The following AUTS2 variants were observed in gnomAD, a reference collection of about 807,000 sequenced individuals.
AUTS2 encodes the protein activator of transcription and developmental regulator AUTS2.
In AUTS2, 17 loss-of-function variants were observed where a neutral mutation model predicts 112.4. The ratio of observed to expected loss-of-function variants is 0.15; its 90% CI spans 0.10 to 0.23. The LOEUF (loss-of-function observed/expected upper bound fraction) is 0.23, where lower values mean the gene tolerates loss of function less well. AUTS2 is among the 10% of genes least tolerant of loss of function. The probability of loss-of-function intolerance (pLI) is 1.00; values close to 1 mark genes in which losing one functional copy is unlikely to be tolerated. For synonymous variants in AUTS2, 751 were observed against 702.7 expected (o/e 1.07, Z -1.09); for missense variants, 1,510 against 1,701.6 (o/e 0.89, Z 1.98).
At chr7:70,572,925 C>T (rs765657256) in intron 5 of AUTS2, among the ~76,000 whole-genome samples, 33 of 152,210 alleles carry the variant, frequency 2.2e-4, no homozygotes, top group East Asian at 1.7e-3. Context: ...GGCTCTGGGA[C>T]GGCTAGCTTC....
chr7:70,020,665 C>CTTCT (rs775167337), intron 2 of AUTS2, among the ~76,000 whole-genome samples: 45 of 151,862 alleles, frequency 3.0e-4, no homozygotes, highest in Admixed American at 2.2e-3. Flanking sequence ...GACCTTTTTT[C>CTTCT]TTCTTTCTTT....
intron 2 of AUTS2, among the ~76,000 whole-genome samples, chr7:70,053,754 A>G (rs1277618049): frequency 6.6e-6 from 1 of 152,096 alleles, no homozygotes; most frequent in Non-Finnish European, 1.5e-5. Flanking sequence ...TATGTTGCCC[A>G]GGCTGGTCTC....
chr7:69,855,101 C>G (rs551415789), intron 1 of AUTS2, among the ~76,000 whole-genome samples: 2 of 152,152 alleles, frequency 1.3e-5, no homozygotes, highest in African/African-American at 4.8e-5. Context: ...TTACCCCTTA[C>G]GCTGAATGCT....
At chr7:69,912,671 A>G (rs1286684283) in intron 2 of AUTS2, among the ~76,000 whole-genome samples, 2 of 152,088 alleles carry the variant, frequency 1.3e-5, no homozygotes, top group Non-Finnish European at 2.9e-5. Context: ...GAGCAGACCC[A>G]TATTTCTCCT....
At chr7:69,663,808 A>G (rs1004171814) in intron 1 of AUTS2, among the ~76,000 whole-genome samples, 1 of 152,220 alleles carries the variant, frequency 6.6e-6, no homozygotes, top group African/African-American at 2.4e-5. Flanking sequence ...CTTGGAAATA[A>G]CAGGTGTCTT....
intron 5 of AUTS2, among the ~76,000 whole-genome samples, chr7:70,564,114 T>C (rs1801604575): frequency 6.6e-6 from 1 of 152,238 alleles, no homozygotes; most frequent in Non-Finnish European, 1.5e-5. Flanking sequence ...TGGTTTCATC[T>C]GAGGTCACTA....
In AUTS2 at chr7:70,790,849, C is replaced by T. The variant is rs145677084; in HGVS notation, c.3633C>T (p.Thr1211=). The T allele has an allele frequency of 1.9e-6, 3 of 1,607,220 alleles. No homozygotes were observed. Among genetic ancestry groups the T allele is most frequent in the African/African-American group, 1.3e-5 (1 of 74,976 alleles). Residue 1211 remains threonine, a synonymous_variant, in exon 19 of 19, where the codon ACC becomes ACT. Transcript: ENST00000342771. This position sits in a 1 kb window ranked among gnomAD's most constrained non-coding sequence, Gnocchi z 7.6. ...ACCAGAACGGACTCCTCAACAAGAC[C>T]CCTCCGACAGCAGCGCTGAGCGCAC... is the stretch of plus-strand genomic sequence containing the variant. ...AGNQNGLLNK[T]PPTAALSAPP...
At chr7:69,772,095 C>CTT (rs140438031) in intron 1 of AUTS2, among the ~76,000 whole-genome samples, 1 of 151,930 alleles carries the variant, frequency 6.6e-6, no homozygotes, top group Non-Finnish European at 1.5e-5. Context: ...CGTGACCTGA[C>CTT]TTTTTTTACT....
rs374609164 is a variant in AUTS2, at chr7:69,894,345, G to A, written c.310-4941G>A. On this transcript the variant is annotated intron_variant, in intron 1 of 18. Coordinates refer to ENST00000342771, the MANE Select transcript of AUTS2 (RefSeq NM_015570.4). ...TCCTAGTGCTTGTGTAAGGGAGGCAGTTTTTTTTATCTTTACCCTGTTAGG... is the reference window on the plus strand; with the variant it reads ...TCCTAGTGCTTGTGTAAGGGAGGCAATTTTTTTTATCTTTACCCTGTTAGG... Among the ~76,000 whole-genome samples the A allele has an allele frequency of 4.3e-3, 613 of 142,600 alleles. 4 individuals are homozygous for A. The highest frequency in any genetic ancestry group is 0.015 in the African/African-American group (571 of 38,120). 93.6% of individuals were successfully genotyped at this position (142,600 alleles called of 152,430 possible). A position where few individuals can be genotyped will look rare whatever the true frequency, so the allele number is the denominator to read the frequency against.
At chr7:70,452,384 G>A (rs534751799) in intron 5 of AUTS2, among the ~76,000 whole-genome samples, 14 of 152,214 alleles carry the variant, frequency 9.2e-5, no homozygotes, top group African/African-American at 2.2e-4. Context: ...GCGTGAGCCC[G>A]GGAGGCGGAG....
intron 4 of AUTS2, among the ~76,000 whole-genome samples, chr7:70,355,977 T>C (rs940406927): frequency 1.3e-5 from 2 of 152,202 alleles, no homozygotes; most frequent in African/African-American, 4.8e-5. Flanking sequence ...TTGGTCTTAG[T>C]GGGGCTTTTT....
chr7:69,660,500 G>C (rs1476729967), intron 1 of AUTS2, among the ~76,000 whole-genome samples: 1 of 152,196 alleles, frequency 6.6e-6, no homozygotes, highest in Non-Finnish European at 1.5e-5. Context: ...GATTTCTCTG[G>C]ATGCAGATCC....
At chr7:70,210,661 C>T (rs1375764188) in intron 4 of AUTS2, among the ~76,000 whole-genome samples, 2 of 152,078 alleles carry the variant, frequency 1.3e-5, no homozygotes, top group Non-Finnish European at 2.9e-5. Flanking sequence ...TGTGTATGCA[C>T]TCTGCAGAGG....
At chr7:70,458,342 G>C (rs1796828437) in intron 5 of AUTS2, among the ~76,000 whole-genome samples, 1 of 152,204 alleles carries the variant, frequency 6.6e-6, no homozygotes, top group Non-Finnish European at 1.5e-5. Context: ...TACATGCTAA[G>C]AGCATTGCGC....
intron 1 of AUTS2, among the ~76,000 whole-genome samples, chr7:69,717,064 C>T (rs1194912962): frequency 6.6e-6 from 1 of 152,106 alleles, no homozygotes; most frequent in African/African-American, 2.4e-5. Context: ...TAGGCAGGAT[C>T]GATTACATCC....
At chr7:69,909,855 C>T (rs1312902589) in intron 2 of AUTS2, among the ~76,000 whole-genome samples, 1 of 151,896 alleles carries the variant, frequency 6.6e-6, no homozygotes, top group East Asian at 1.9e-4. Context: ...GAGATTAGTG[C>T]AAAATAATCT....
intron 4 of AUTS2, among the ~76,000 whole-genome samples, chr7:70,334,250 T>C (rs1474995918): frequency 6.6e-6 from 1 of 152,186 alleles, no homozygotes; most frequent in African/African-American, 2.4e-5. Flanking sequence ...TTTATCATGT[T>C]GAGGCAATTC....
At chr7:70,547,699 T>C (rs942135746) in intron 5 of AUTS2, among the ~76,000 whole-genome samples, 1 of 152,252 alleles carries the variant, frequency 6.6e-6, no homozygotes, top group Non-Finnish European at 1.5e-5. Flanking sequence ...TGTTTATCTG[T>C]TCATCAGCTT....
intron 4 of AUTS2, among the ~76,000 whole-genome samples, chr7:70,395,965 A>C (rs1392181667): frequency 6.6e-6 from 1 of 152,230 alleles, no homozygotes; most frequent in Non-Finnish European, 1.5e-5. Flanking sequence ...CCCATGAAGT[A>C]TGTAGTTAAT....
Sources: gnomAD v4.1 joint callset for allele counts (sites outside exome capture counted in the v4.1 genomes callset) on GRCh38, gnomAD v4.1.1 for gene constraint, Gnocchi (gnomAD v3.1) non-coding constraint, MANE v1.5 for transcripts, NCBI Gene and HGNC (gene_info 2026-07-23, HGNC 2026-07-21) for gene names.